The following DNAL1 variants were observed in gnomAD, a reference collection of about 807,000 sequenced individuals.
DNAL1 encodes dynein axonemal light chain 1, also known as chromosome 14 open reading frame 168.
In DNAL1, 17 loss-of-function variants were observed where a neutral mutation model predicts 29.4. That is an observed-to-expected ratio of 0.58 (90% CI 0.40 to 0.87). The LOEUF is 0.87. Among genes scored for constraint, DNAL1 ranks in the 40% least tolerant of loss-of-function variants. DNAL1 has a pLI of 0.00. For synonymous variants in DNAL1, 78 were observed against 76.3 expected (o/e 1.02, Z -0.12); for missense variants, 188 against 214.1 (o/e 0.88, Z 0.76).
chr14:73,694,255 TAAA>T (rs1266116115), intron 7 of DNAL1, among the ~76,000 whole-genome samples: 24 of 146,310 alleles, frequency 1.6e-4, no homozygotes, highest in African/African-American at 6.0e-4. Flanking sequence ...AATAAATAAA[TAAA>T]TAAATAAATA....
At chr14:73,670,106 T>C (rs1891583904) in intron 4 of DNAL1, among the ~76,000 whole-genome samples, 1 of 152,184 alleles carries the variant, frequency 6.6e-6, no homozygotes, top group Non-Finnish European at 1.5e-5. Flanking sequence ...AGATAGAAAT[T>C]ATATTTCCCC....
intron 5 of DNAL1, among the ~76,000 whole-genome samples, chr14:73,681,622 AAAAAAAAAAAAATATAT>A (rs1407972691): frequency 8.6e-4 from 41 of 47,700 alleles, no homozygotes; most frequent in Non-Finnish European, 1.8e-3. Context: ...AAAAAAAAAA[AAAAAAAAAAAAATATAT>A]ATATATATAT....
intron 1 of DNAL1, among the ~76,000 whole-genome samples, chr14:73,651,815 C>G (rs1237526236): frequency 3.3e-5 from 5 of 152,086 alleles, no homozygotes; most frequent in Admixed American, 6.6e-5. Flanking sequence ...CATCACCATG[C>G]CCAGCTAAGT....
chr14:73,658,955 G>A lies in DNAL1; in HGVS notation c.151G>A (p.Glu51Lys), dbSNP rs536740472. 5.4e-6 allele frequency: 8 copies of A among 1,480,348 alleles called. No homozygotes were observed. The South Asian group carries it at 6.0e-5, about 11-fold the overall frequency. 91.7% of individuals were successfully genotyped at this position (1,480,348 alleles called of 1,614,324 possible). A position where few individuals can be genotyped will look rare whatever the true frequency, so the allele number is the denominator to read the frequency against. Reference sequence around the variant, plus strand: ...ATCCTTGTCCATGCTTGCTAATTGCGAGTAAGTTCTCTTTTCATCCTTCCA... The same window carrying A: ...ATCCTTGTCCATGCTTGCTAATTGCAAGTAAGTTCTCTTTTCATCCTTCCA... The part of the protein sequence containing the change: ...DASLSMLANC[E>K]KLSLSTNCIE... The change falls in exon 3 of 8, where the codon GAG becomes AAG. Residue 51 changes from glutamate (E) to lysine (K), a missense_variant and splice_region_variant. Coordinates refer to ENST00000553645, the MANE Select transcript of DNAL1 (RefSeq NM_031427.4).
Position 73,687,322 on chromosome 14 carries a change from G to T in DNAL1, c.328G>T (p.Gly110Trp). The change falls in exon 6 of 8, where the codon GGG becomes TGG. Residue 110 changes from glycine (G) to tryptophan (W), a missense_variant. By Grantham distance (184) the Gly-to-Trp change is radical. Coordinates refer to ENST00000553645, the MANE Select transcript of DNAL1 (RefSeq NM_031427.4). ...CTACAATTTTATTGAGAAGTTGAAAGGGATCCACATAATGAAGAAATTGAA... is the reference window on the plus strand; with the variant it reads ...CTACAATTTTATTGAGAAGTTGAAATGGATCCACATAATGAAGAAATTGAA... The part of the protein sequence containing the change: ...ISYNFIEKLK[G>W]IHIMKKLKIL... The T allele has an allele frequency of 6.2e-7, 1 of 1,613,202 alleles. No individual in the cohort carries two copies. Among genetic ancestry groups the T allele is most frequent in the Non-Finnish European group, 8.5e-7 (1 of 1,179,608 alleles).
At position 73,689,182 on chromosome 14, in the gene DNAL1, C is replaced by T. The variant is rs542347153; in HGVS notation, c.392-193C>T. ...CTGAGTAGCTGGGACTACAGGTGCC[C>T]ACCACTATGCCTGGCTTATTTTTGT... is the stretch of plus-strand genomic sequence containing the variant. On this transcript the variant is annotated intron_variant, in intron 6 of 7. Coordinates refer to ENST00000553645, the MANE Select transcript of DNAL1 (RefSeq NM_031427.4). Among the ~76,000 whole-genome samples the T allele has an allele frequency of 2.6e-5, 4 of 151,936 alleles. No homozygotes were observed. In the East Asian group the frequency reaches 5.8e-4, roughly 22 times the overall value.
At chr14:73,653,026 C>G (rs937712166) in intron 1 of DNAL1, 1 of 152,060 alleles carries the variant, frequency 6.6e-6, no homozygotes. Flanking sequence ...CTAGATGCAT[C>G]CTTAGGTATA....
At chr14:73,681,621 A>ATAT (rs1237407668) in intron 5 of DNAL1, among the ~76,000 whole-genome samples, 207 of 39,736 alleles carry the variant, frequency 5.2e-3, no homozygotes, top group Non-Finnish European at 6.9e-3. Flanking sequence ...AAAAAAAAAA[A>ATAT]AAAAAAAAAA....
At chr14:73,682,337 A>ATTTTTTTTTTT (rs57403758) in intron 5 of DNAL1, among the ~76,000 whole-genome samples, 110 of 93,402 alleles carry the variant, frequency 1.2e-3, no homozygotes, top group African/African-American at 2.1e-3. Context: ...TGCCTGGCTA[A>ATTTTTTTTTTT]TTTTTTTTTT....
Position 73,687,398 on chromosome 14 carries a change from T to G in DNAL1, c.391+13T>G, listed in dbSNP as rs770857858. ...GTAAAAGACTGGGGTAAGCTGAGAG[T>G]GGCCCTTTGCTAACCTTCTACCGCC... On this transcript the variant is annotated intron_variant, in intron 6 of 7. Transcript: ENST00000553645. 1 of 1,576,262 alleles carries G rather than the reference T, an allele frequency of 6.3e-7. No individual in the cohort carries two copies. Among genetic ancestry groups the G allele is most frequent in the East Asian group, 2.3e-5 (1 of 44,108 alleles).
chr14:73,679,063 C>T (rs1390532649), intron 5 of DNAL1, among the ~76,000 whole-genome samples: 1 of 152,182 alleles, frequency 6.6e-6, no homozygotes, highest in Non-Finnish European at 1.5e-5. Context: ...GTGATTGGAT[C>T]TCGGCTCACT....
At chr14:73,685,824 C>T (rs1229794955) in intron 5 of DNAL1, among the ~76,000 whole-genome samples, 1 of 151,898 alleles carries the variant, frequency 6.6e-6, no homozygotes, top group African/African-American at 2.4e-5. Context: ...TTTGTTTATC[C>T]GTTTGTCTAT....
chr14:73,677,302 T>C (rs1891757048), intron 5 of DNAL1, among the ~76,000 whole-genome samples: 1 of 151,654 alleles, frequency 6.6e-6, no homozygotes, highest in Non-Finnish European at 1.5e-5. Flanking sequence ...TTTGCCAGTA[T>C]GATAGGCAAA....
chr14:73,673,407 A>G (rs921686399), intron 5 of DNAL1, among the ~76,000 whole-genome samples: 1 of 152,182 alleles, frequency 6.6e-6, no homozygotes, highest in Non-Finnish European at 1.5e-5. Context: ...ATACCCAGAG[A>G]CCACAAATAA....
rs57815202 is a variant in DNAL1, at chr14:73,682,869, ATTT to A, written c.265-4367_265-4365del. Among the ~76,000 whole-genome samples the A allele has an allele frequency of 6.6e-3, 674 of 101,812 alleles. 1 individual carries two copies. The highest frequency in any genetic ancestry group is 0.024 in the African/African-American group (575 of 23,854). 66.8% of individuals were successfully genotyped at this position (101,812 alleles called of 152,430 possible). On this transcript the variant is annotated intron_variant, in intron 5 of 7. Coordinates refer to ENST00000553645, the MANE Select transcript of DNAL1 (RefSeq NM_031427.4). Reference sequence around the variant, plus strand: ...ACCTGTCTGAGGCTGTTTTATAGTTATTTTTTTTTTTTTTTTTTTTTTTTTAGT... The same window carrying A: ...ACCTGTCTGAGGCTGTTTTATAGTTATTTTTTTTTTTTTTTTTTTTTTAGT...
intron 4 of DNAL1, among the ~76,000 whole-genome samples, chr14:73,666,621 A>G (rs1043081255): frequency 3.9e-5 from 6 of 152,140 alleles, no homozygotes; most frequent in African/African-American, 1.4e-4. Flanking sequence ...ATCATAATTT[A>G]TTTCCTTATA....
chr14:73,684,470 A>G (rs1252654883), intron 5 of DNAL1, among the ~76,000 whole-genome samples: 1 of 152,364 alleles, frequency 6.6e-6, no homozygotes, highest in African/African-American at 2.4e-5. Context: ...CATGTAATCA[A>G]CTACCTACCA....
chr14:73,683,272 T>A (rs191499993), intron 5 of DNAL1, among the ~76,000 whole-genome samples: 19 of 152,336 alleles, frequency 1.2e-4, no homozygotes, highest in Admixed American at 7.2e-4. Flanking sequence ...TCATTTACTA[T>A]CATTATTATG....
At chr14:73,645,399 C>A (rs1261344647) in intron 1 of DNAL1, among the ~76,000 whole-genome samples, 5 of 151,898 alleles carry the variant, frequency 3.3e-5, no homozygotes, top group Admixed American at 3.3e-4. Flanking sequence ...TTTTAGTGAC[C>A]CCCCCGTCGA....
Sources: gnomAD v4.1 joint callset for allele counts (sites outside exome capture counted in the v4.1 genomes callset) on GRCh38, gnomAD v4.1.1 for gene constraint, MANE v1.5 for transcripts, NCBI Gene and HGNC (gene_info 2026-07-23, HGNC 2026-07-21) for gene names.